Variants in ZNF804A observed in about 807,000 individuals in gnomAD.
The protein encoded by ZNF804A is zinc finger protein 804A.
ZNF804A carries 2 observed loss-of-function variants against 16.5 expected under a neutral mutation model. The observed-to-expected ratio is 0.12, with a 90% CI of 0.05 to 0.38. The LOEUF (loss-of-function observed/expected upper bound fraction) is 0.38, where lower values mean the gene tolerates loss of function less well. Ranked by LOEUF, ZNF804A falls within the 10% of genes least tolerant of loss-of-function variation. The pLI is 0.99. For synonymous variants in ZNF804A, 534 were observed against 489.6 expected, an observed-to-expected ratio of 1.09 and a Z score of -1.20; for missense variants, 1,473 against 1,390.7, an observed-to-expected ratio of 1.06 and a Z score of -0.94.
At chr2:184,600,883 A>G (rs1019432444) in intron 1 of ZNF804A, among the ~76,000 whole-genome samples, 4 of 152,158 alleles carry the variant, frequency 2.6e-5, no homozygotes, top group Non-Finnish European at 5.9e-5. Context: ...TAGATTTACC[A>G]TTGTAACCTT....
chr2:184,934,434 A>G (rs1266665076), intron 3 of ZNF804A, among the ~76,000 whole-genome samples: 1 of 152,102 alleles, frequency 6.6e-6, no homozygotes, highest in East Asian at 1.9e-4. Flanking sequence ...TTCATTCCAA[A>G]TCTACTTTTT....
intron 1 of ZNF804A, among the ~76,000 whole-genome samples, chr2:184,704,770 C>T (rs1471143738): frequency 2.6e-5 from 4 of 152,044 alleles, no homozygotes; most frequent in Non-Finnish European, 5.9e-5. Context: ...AATCTCAAAG[C>T]ACAAAAGTGA....
intron 1 of ZNF804A, among the ~76,000 whole-genome samples, chr2:184,654,661 G>T (rs957396242): frequency 6.6e-6 from 1 of 152,100 alleles, no homozygotes; most frequent in Non-Finnish European, 1.5e-5. Flanking sequence ...TATTTCACAA[G>T]AATTTATTGA....
intron 1 of ZNF804A, among the ~76,000 whole-genome samples, chr2:184,731,251 CAAAAAAAAAAAAAAAAAA>C (rs563068533): frequency 4.4e-5 from 2 of 45,296 alleles, no homozygotes; most frequent in African/African-American, 9.9e-5. Context: ...GGCTCCGTCG[CAAAAAAAAAAAAAAAAAA>C]AAAAAAAAAA....
chr2:184,924,009 T>TTGTG (rs3046265), intron 2 of ZNF804A, among the ~76,000 whole-genome samples: 470 of 149,584 alleles, frequency 3.1e-3, no homozygotes, highest in Middle Eastern at 6.8e-3. Flanking sequence ...TAGTTTTGTT[T>TTGTG]TGTGTGTGTG....
chr2:184,783,138 G>GTTTTTTTTTTTTTTTTTTTTTTTT (rs57207733), intron 1 of ZNF804A, among the ~76,000 whole-genome samples: 1 of 86,104 alleles, frequency 1.2e-5, no homozygotes, highest in Non-Finnish European at 2.1e-5. Context: ...AAAAGAGTGA[G>GTTTTTTTTTTTTTTTTTTTTTTTT]TTTTTTTTTT....
intron 1 of ZNF804A, among the ~76,000 whole-genome samples, chr2:184,723,594 A>T (rs1693357968): frequency 6.6e-6 from 1 of 151,796 alleles, no homozygotes; most frequent in Non-Finnish European, 1.5e-5. Flanking sequence ...TAGTGTTTTC[A>T]TCCGAAGTTG....
At chr2:184,781,702 A>G (rs953466023) in intron 1 of ZNF804A, among the ~76,000 whole-genome samples, 5 of 151,810 alleles carry the variant, frequency 3.3e-5, no homozygotes, top group African/African-American at 1.2e-4. Context: ...GTAATTATAA[A>G]AAGGGTTTTA....
chr2:184,925,471 G>A (rs775036636), intron 2 of ZNF804A, among the ~76,000 whole-genome samples: 3 of 151,112 alleles, frequency 2.0e-5, no homozygotes, highest in Non-Finnish European at 4.4e-5. Flanking sequence ...ATTGGATCTC[G>A]GGTTTTTTTA....
intron 1 of ZNF804A, among the ~76,000 whole-genome samples, chr2:184,824,703 C>T (rs1191601996): frequency 1.3e-5 from 2 of 151,950 alleles, no homozygotes; most frequent in Admixed American, 6.6e-5. Context: ...GGAAGGATAC[C>T]GTGTGAATGG....
intron 2 of ZNF804A, among the ~76,000 whole-genome samples, chr2:184,873,789 C>T (rs770190776): frequency 6.6e-6 from 1 of 151,898 alleles, no homozygotes; most frequent in Admixed American, 6.6e-5. Flanking sequence ...CAAAAATAAG[C>T]GACAGTTTTA....
At chr2:184,714,223 G>A (rs1693179484) in intron 1 of ZNF804A, among the ~76,000 whole-genome samples, 1 of 151,896 alleles carries the variant, frequency 6.6e-6, no homozygotes, top group Non-Finnish European at 1.5e-5. Context: ...AAACATTCAG[G>A]TGCCTCCCTC....
At chr2:184,677,677 A>G (rs899969944) in intron 1 of ZNF804A, among the ~76,000 whole-genome samples, 1 of 152,032 alleles carries the variant, frequency 6.6e-6, no homozygotes, top group African/African-American at 2.4e-5. Flanking sequence ...ATTATTTAAG[A>G]ACAAAATCAC....
intron 1 of ZNF804A, among the ~76,000 whole-genome samples, chr2:184,609,789 G>T (rs1215652117): frequency 6.6e-6 from 1 of 152,234 alleles, no homozygotes; most frequent in Non-Finnish European, 1.5e-5. Context: ...ATCACATTGG[G>T]AGTTAGGATT....
chr2:184,690,404 T>G (rs1692709240), intron 1 of ZNF804A, among the ~76,000 whole-genome samples: 1 of 152,032 alleles, frequency 6.6e-6, no homozygotes, highest in African/African-American at 2.4e-5. Context: ...TGCCTTGTAT[T>G]CTACTCATTC....
chr2:184,795,517 GA>G (rs1204163914), intron 1 of ZNF804A, among the ~76,000 whole-genome samples: 1 of 151,298 alleles, frequency 6.6e-6, no homozygotes, highest in Non-Finnish European at 1.5e-5. Flanking sequence ...AGGAACTAGA[GA>G]AAAAAAGAAC....
chr2:184,637,552 G>T (rs923868392), intron 1 of ZNF804A, among the ~76,000 whole-genome samples: 1 of 152,054 alleles, frequency 6.6e-6, no homozygotes, highest in African/African-American at 2.4e-5. Context: ...TTATGGCCAG[G>T]TTCCTAATCT....
At chr2:184,613,554 G>T (rs1312776362) in intron 1 of ZNF804A, among the ~76,000 whole-genome samples, 1 of 152,160 alleles carries the variant, frequency 6.6e-6, no homozygotes, top group East Asian at 1.9e-4. Context: ...AGTTCCACTG[G>T]ATGGACAATC....
At chr2:184,673,870 T>C (rs1326181404) in intron 1 of ZNF804A, among the ~76,000 whole-genome samples, 1 of 152,204 alleles carries the variant, frequency 6.6e-6, no homozygotes, top group African/African-American at 2.4e-5. Context: ...AAAAGGATTA[T>C]ATTGAAATGT....
Sources: allele counts gnomAD v4.1 joint callset (sites outside exome capture counted in the v4.1 genomes callset), GRCh38; gene constraint gnomAD v4.1.1; transcripts MANE v1.5; gene names NCBI Gene and HGNC (gene_info 2026-07-23, HGNC 2026-07-21).